The following EDIL3 variants were observed in gnomAD, a reference collection of about 807,000 sequenced individuals.
EDIL3 encodes EGF-like repeat and discoidin I-like domain-containing protein 3.
In EDIL3, 37 loss-of-function variants were observed where a neutral mutation model predicts 67.4. That is an observed-to-expected ratio of 0.55 (90% CI 0.42 to 0.72). The LOEUF is 0.72. Among genes scored for constraint, EDIL3 ranks in the 30% least tolerant of loss-of-function variants. The pLI is 0.00. For synonymous variants in EDIL3, 195 were observed against 196.3 expected, an observed-to-expected ratio of 0.99 and a Z score of 0.05; for missense variants, 527 against 586.3, an observed-to-expected ratio of 0.90 and a Z score of 1.04.
intron 9 of EDIL3, among the ~76,000 whole-genome samples, chr5:83,970,390 A>AT (rs201229659): frequency 2.1e-5 from 3 of 146,172 alleles, no homozygotes; most frequent in African/African-American, 7.5e-5. Flanking sequence ...TATTTGTTGC[A>AT]TTTTTTTTCT....
At chr5:84,049,373 A>G (rs1314715879) in intron 9 of EDIL3, among the ~76,000 whole-genome samples, 1 of 152,208 alleles carries the variant, frequency 6.6e-6, no homozygotes, top group African/African-American at 2.4e-5. Flanking sequence ...AAAGGAAAAG[A>G]AGGGATCTAT....
At chr5:84,225,184 A>G (rs959810717) in intron 3 of EDIL3, among the ~76,000 whole-genome samples, 4 of 151,636 alleles carry the variant, frequency 2.6e-5, no homozygotes, top group African/African-American at 7.2e-5. Flanking sequence ...TTCAGAACTG[A>G]AAGTGATTAA....
chr5:83,984,383 A>T (rs1408992855), intron 9 of EDIL3, among the ~76,000 whole-genome samples: 2 of 152,152 alleles, frequency 1.3e-5, no homozygotes, highest in Admixed American at 1.3e-4. Flanking sequence ...GCATAAGAGT[A>T]TGTCTTGCCA....
chr5:84,354,758 A>G (rs181608215), intron 1 of EDIL3, among the ~76,000 whole-genome samples: 1 of 152,138 alleles, frequency 6.6e-6, no homozygotes, highest in African/African-American at 2.4e-5. Flanking sequence ...TATATTCAAG[A>G]TCTATGTACT....
intron 9 of EDIL3, among the ~76,000 whole-genome samples, chr5:84,037,985 C>CTTT (rs1580292622): frequency 3.0e-5 from 3 of 99,646 alleles, no homozygotes; most frequent in African/African-American, 5.3e-5. Context: ...TTCTTTCTTT[C>CTTT]TTGTTTTTTT....
intron 4 of EDIL3, among the ~76,000 whole-genome samples, chr5:84,145,372 G>A (rs149444137): frequency 2.6e-4 from 40 of 152,188 alleles, no homozygotes; most frequent in African/African-American, 9.4e-4. Context: ...GGGACTGTGC[G>A]AGGGGATACT....
At chr5:84,144,886 T>C (rs988468485) in intron 4 of EDIL3, among the ~76,000 whole-genome samples, 6 of 152,142 alleles carry the variant, frequency 3.9e-5, no homozygotes, top group African/African-American at 1.4e-4. Flanking sequence ...GTTTTTCCTA[T>C]AGTGAGTTAT....
In EDIL3 at chr5:84,384,399, C is replaced by G. The variant is rs776656712; in HGVS notation, c.-25G>C. ...TGATCCCGTCTCCCGGACGTGACCC[C>G]GGCTGGTCAGGGGTCGTCGCGGAGG... On this transcript the variant is annotated 5_prime_UTR_variant, in exon 1 of 11. Coordinates refer to ENST00000296591, the MANE Select transcript of EDIL3 (RefSeq NM_005711.5). 3.4e-4 allele frequency: 544 copies of G among 1,612,046 alleles called. No individual in the cohort carries two copies. The highest frequency in any genetic ancestry group is 4.1e-4 in the Non-Finnish European group (480 of 1,179,214).
At chr5:83,968,213 G>C (rs999658682) in intron 9 of EDIL3, among the ~76,000 whole-genome samples, 5 of 152,012 alleles carry the variant, frequency 3.3e-5, no homozygotes, top group Admixed American at 1.3e-4. Flanking sequence ...AGGGCAACTA[G>C]TTAATGTGAT....
At chr5:84,235,723 T>C (rs1744669113) in intron 2 of EDIL3, among the ~76,000 whole-genome samples, 1 of 152,038 alleles carries the variant, frequency 6.6e-6, no homozygotes, top group South Asian at 2.1e-4. Flanking sequence ...TTTTGTAATA[T>C]TATTAAATTA....
intron 5 of EDIL3, among the ~76,000 whole-genome samples, chr5:84,112,997 A>T (rs1055927392): frequency 1.8e-4 from 27 of 152,148 alleles, no homozygotes; most frequent in African/African-American, 4.6e-4. Flanking sequence ...TTCTTTAGAA[A>T]TTTTTTTTAT....
At chr5:84,114,148 G>GTTTTTTTTT (rs918208407) in intron 5 of EDIL3, among the ~76,000 whole-genome samples, 1 of 109,840 alleles carries the variant, frequency 9.1e-6, no homozygotes, top group East Asian at 2.7e-4. Context: ...GAACCCTAAA[G>GTTTTTTTTT]TTTTTTTTTT....
intron 9 of EDIL3, among the ~76,000 whole-genome samples, chr5:84,001,504 G>C (rs1326324917): frequency 1.3e-5 from 2 of 151,644 alleles, no homozygotes; most frequent in African/African-American, 2.4e-5. Flanking sequence ...ACAAAAAGCT[G>C]GTGTTTCAAA....
At chr5:84,299,150 C>G (rs1342810701) in intron 1 of EDIL3, among the ~76,000 whole-genome samples, 2 of 152,022 alleles carry the variant, frequency 1.3e-5, no homozygotes, top group East Asian at 3.9e-4. Context: ...GAACACACCA[C>G]GAGGACAGGT....
chr5:84,139,550 C>CAAT (rs747925456), intron 4 of EDIL3, among the ~76,000 whole-genome samples: 76 of 152,214 alleles, frequency 5.0e-4, no homozygotes, highest in Admixed American at 1.4e-3. Flanking sequence ...TTATGCATGA[C>CAAT]AATAACAATG....
At chr5:84,355,268 T>C (rs1190532324) in intron 1 of EDIL3, among the ~76,000 whole-genome samples, 1 of 152,046 alleles carries the variant, frequency 6.6e-6, no homozygotes, top group Non-Finnish European at 1.5e-5. Flanking sequence ...TTCCGCTTGA[T>C]TAATTCGGCT....
intron 1 of EDIL3, among the ~76,000 whole-genome samples, chr5:84,278,989 T>C (rs1289316002): frequency 6.6e-6 from 1 of 151,978 alleles, no homozygotes; most frequent in Non-Finnish European, 1.5e-5. Flanking sequence ...CTTTTAGCCT[T>C]GTTACCTTGG....
intron 4 of EDIL3, among the ~76,000 whole-genome samples, chr5:84,141,996 T>TATCA (rs1561443908): frequency 3.4e-5 from 5 of 148,874 alleles, no homozygotes; most frequent in African/African-American, 4.9e-5. Flanking sequence ...TCTATCTATC[T>TATCA]ATCATATTGA....
chr5:84,218,240 T>C (rs1744271317), intron 3 of EDIL3, among the ~76,000 whole-genome samples: 1 of 152,224 alleles, frequency 6.6e-6, no homozygotes, highest in African/African-American at 2.4e-5. Context: ...TTATTTCTAA[T>C]AAGATAATAT....
Sources: allele counts gnomAD v4.1 joint callset (sites outside exome capture counted in the v4.1 genomes callset), GRCh38; gene constraint gnomAD v4.1.1; transcripts MANE v1.5; gene names NCBI Gene and HGNC (gene_info 2026-07-23, HGNC 2026-07-21).